The following CNTN3 variants were observed in gnomAD, a reference collection of about 807,000 sequenced individuals.
CNTN3 encodes contactin 3.
Under a neutral mutation model 119.1 loss-of-function variants are expected in CNTN3, and 60 were observed. That is an observed-to-expected ratio of 0.50 (90% CI 0.41 to 0.62). CNTN3 has a LOEUF of 0.62. Ranked by LOEUF, CNTN3 falls within the 20% of genes least tolerant of loss-of-function variation. The pLI is 0.00. For missense variants in CNTN3, 1,101 were observed against 1,242.4 expected (o/e 0.89, Z 1.71); for synonymous variants, 450 against 438.7 (o/e 1.03, Z -0.32).
intron 5 of CNTN3, among the ~76,000 whole-genome samples, chr3:74,415,652 G>A (rs1259445076): frequency 6.6e-6 from 1 of 152,042 alleles, no homozygotes; most frequent in Non-Finnish European, 1.5e-5. Flanking sequence ...ATGATATACA[G>A]ACACAAGCTG....
intron 2 of CNTN3, among the ~76,000 whole-genome samples, chr3:74,515,415 A>G (rs887716192): frequency 6.6e-6 from 1 of 152,066 alleles, no homozygotes; most frequent in Non-Finnish European, 1.5e-5. Context: ...GAGCATTTTC[A>G]TACCATCAAA....
At chr3:74,375,743 A>C (rs147696487) in intron 5 of CNTN3, among the ~76,000 whole-genome samples, 1 of 152,272 alleles carries the variant, frequency 6.6e-6, no homozygotes, top group East Asian at 1.9e-4. Flanking sequence ...AGGCAGAAAA[A>C]CAGATTGCCT....
intron 5 of CNTN3, among the ~76,000 whole-genome samples, chr3:74,407,674 C>G (rs965343723): frequency 1.3e-5 from 2 of 152,008 alleles, no homozygotes; most frequent in Non-Finnish European, 2.9e-5. Flanking sequence ...GGACGATGAG[C>G]AGTTGCTTGG....
At chr3:74,382,322 C>A (rs935361401) in intron 5 of CNTN3, among the ~76,000 whole-genome samples, 1 of 152,098 alleles carries the variant, frequency 6.6e-6, no homozygotes, top group Non-Finnish European at 1.5e-5. Flanking sequence ...ATGCTTAAAT[C>A]AAGTTAATTA....
intron 5 of CNTN3, among the ~76,000 whole-genome samples, chr3:74,378,263 CA>C (rs1217067414): frequency 6.6e-6 from 1 of 152,112 alleles, no homozygotes; most frequent in Non-Finnish European, 1.5e-5. Flanking sequence ...ATTTAAGGTT[CA>C]AATAACACAT....
At chr3:74,308,557 G>C (rs1173327323) in intron 13 of CNTN3, among the ~76,000 whole-genome samples, 1 of 152,210 alleles carries the variant, frequency 6.6e-6, no homozygotes, top group Admixed American at 6.5e-5. Context: ...AAGTGCCACG[G>C]TGCCTCAAAG....
chr3:74,578,464 T>G (rs1057388445), intron 1 of CNTN3, among the ~76,000 whole-genome samples: 5 of 152,038 alleles, frequency 3.3e-5, no homozygotes, highest in African/African-American at 7.2e-5. Flanking sequence ...GAGAGGACTT[T>G]TCTTACATAC....
At chr3:74,284,965 T>G (rs953263842) in intron 20 of CNTN3, among the ~76,000 whole-genome samples, 1 of 152,212 alleles carries the variant, frequency 6.6e-6, no homozygotes, top group African/African-American at 2.4e-5. Context: ...TTATTCATGC[T>G]TATCAGAAAT....
chr3:74,531,219 A>AT (rs1442648544), intron 1 of CNTN3, among the ~76,000 whole-genome samples: 7 of 151,978 alleles, frequency 4.6e-5, no homozygotes, highest in Middle Eastern at 6.8e-3. Flanking sequence ...GGACGTTTTA[A>AT]TTTTTTTGCT....
chr3:74,508,506 C>T (rs190548844), intron 2 of CNTN3, among the ~76,000 whole-genome samples: 9 of 152,114 alleles, frequency 5.9e-5, no homozygotes, highest in African/African-American at 1.7e-4. Context: ...AATTGATTCA[C>T]AATTAAAAAT....
intron 13 of CNTN3, among the ~76,000 whole-genome samples, chr3:74,315,139 A>G (rs1289640687): frequency 2.6e-5 from 4 of 152,252 alleles, no homozygotes; most frequent in African/African-American, 4.8e-5. Context: ...TGCCAGTGCC[A>G]TGACAGTTCA....
At chr3:74,583,294 G>A (rs189370931) in intron 1 of CNTN3, among the ~76,000 whole-genome samples, 37 of 151,992 alleles carry the variant, frequency 2.4e-4, no homozygotes, top group Non-Finnish European at 4.6e-4. Flanking sequence ...ATAATAACTC[G>A]AGTCTGAAAT....
At chr3:74,396,581 C>T (rs1705061809) in intron 5 of CNTN3, among the ~76,000 whole-genome samples, 1 of 115,144 alleles carries the variant, frequency 8.7e-6, no homozygotes, top group Non-Finnish European at 2.0e-5. Flanking sequence ...ACCATCTCTA[C>T]TAAAAATACA....
At chr3:74,371,910 G>A (rs1307928550) in intron 5 of CNTN3, among the ~76,000 whole-genome samples, 1 of 151,984 alleles carries the variant, frequency 6.6e-6, no homozygotes, top group African/African-American at 2.4e-5. Context: ...TGCTGCTTCT[G>A]GGGCCTACAA....
intron 1 of CNTN3, among the ~76,000 whole-genome samples, chr3:74,608,098 T>C (rs1285063248): frequency 6.6e-6 from 1 of 152,206 alleles, no homozygotes; most frequent in Non-Finnish European, 1.5e-5. Flanking sequence ...TTAAAATTAC[T>C]TTAAAACAAA....
intron 13 of CNTN3, among the ~76,000 whole-genome samples, chr3:74,326,164 GC>G (rs779934423): frequency 1.3e-5 from 2 of 151,652 alleles, no homozygotes; most frequent in Non-Finnish European, 2.9e-5. Context: ...TCTATCTCTG[GC>G]CAAATTTAGA....
chr3:74,512,692 CAAAAAAAAAAAA>C (rs66822650), intron 2 of CNTN3, among the ~76,000 whole-genome samples: 1 of 85,260 alleles, frequency 1.2e-5, no homozygotes, highest in Non-Finnish European at 2.1e-5. Flanking sequence ...CATAATCAAG[CAAAAAAAAAAAA>C]AAAAAAAAAA....
chr3:74,297,345 G>A (rs1274506474), intron 18 of CNTN3, among the ~76,000 whole-genome samples: 1 of 151,774 alleles, frequency 6.6e-6, no homozygotes, highest in South Asian at 2.1e-4. Flanking sequence ...AATCAATTTT[G>A]GGATTTATTT....
chr3:74,362,130 T>C, intron 10 of CNTN3, 90 bp from the exon 11 acceptor site: 1 of 1,411,174 alleles, frequency 7.1e-7, no homozygotes, highest in Non-Finnish European at 9.7e-7. Flanking sequence ...TTTTAAAAGT[T>C]TTCTTTACAT....
Sources: allele counts gnomAD v4.1 joint callset (sites outside exome capture counted in the v4.1 genomes callset), GRCh38; gene constraint gnomAD v4.1.1; transcripts MANE v1.5; gene names NCBI Gene and HGNC (gene_info 2026-07-23, HGNC 2026-07-21).